PTPRD: variants seen among roughly 807,000 people sequenced by gnomAD.
The protein encoded by PTPRD is protein tyrosine phosphatase receptor type D.
In PTPRD, 34 loss-of-function variants were observed where a neutral mutation model predicts 214.5. The ratio of observed to expected loss-of-function variants is 0.16; its 90% CI spans 0.12 to 0.21. The LOEUF (loss-of-function observed/expected upper bound fraction) is 0.21. Among genes scored for constraint, PTPRD ranks in the 10% least tolerant of loss-of-function variants. The pLI, the probability that PTPRD is intolerant of heterozygous loss-of-function variation, is 1.00. For missense variants in PTPRD, 2,545 were observed against 2,398.7 expected (o/e 1.06, Z -1.27); for synonymous variants, 1,128 against 845.7 (o/e 1.33, Z -5.79).
chr9:9,005,594 A>G (rs552960064), intron 11 of PTPRD, among the ~76,000 whole-genome samples: 40 of 152,060 alleles, frequency 2.6e-4, no homozygotes, highest in Non-Finnish European at 7.4e-5. Context: ...AAGGCATTCT[A>G]TAAAAACCTA....
At chr9:10,085,875 G>A (rs2098329045) in intron 3 of PTPRD, among the ~76,000 whole-genome samples, 1 of 151,880 alleles carries the variant, frequency 6.6e-6, no homozygotes, top group Non-Finnish European at 1.5e-5. Context: ...ATATTTCAGG[G>A]CAGTGTGATG....
chr9:10,129,872 T>C (rs888968997), intron 3 of PTPRD, among the ~76,000 whole-genome samples: 1 of 152,078 alleles, frequency 6.6e-6, no homozygotes, highest in Admixed American at 6.6e-5. Context: ...AGAGAAAACA[T>C]CTAAACAAAA....
chr9:8,627,101 C>G lies in PTPRD; in HGVS notation c.352+6216G>C, dbSNP rs183605538. 2.0e-3 allele frequency among the ~76,000 whole-genome samples: 309 copies of G among 151,912 alleles called. 4 individuals are homozygous for G. Among genetic ancestry groups the G allele is most frequent in the African/African-American group, 7.1e-3 (295 of 41,492 alleles). ...TCATGCCCCAACCCAGCAGTCTCCT[C>G]ACTCTCACAGTGTATCATCCATGTA... On this transcript the variant is annotated intron_variant, in intron 14 of 45. Coordinates refer to ENST00000381196, the MANE Select transcript of PTPRD (RefSeq NM_002839.4).
intron 7 of PTPRD, among the ~76,000 whole-genome samples, chr9:9,623,115 A>G (rs554379554): frequency 6.6e-6 from 1 of 152,326 alleles, no homozygotes; most frequent in South Asian, 2.1e-4. Flanking sequence ...TTACTTGCAT[A>G]TATGTTGCCT....
intron 8 of PTPRD, among the ~76,000 whole-genome samples, chr9:9,466,564 A>G (rs1038358446): frequency 6.6e-6 from 1 of 152,158 alleles, no homozygotes; most frequent in Non-Finnish European, 1.5e-5. Flanking sequence ...CAAAACACAA[A>G]TCTGTGTTTC....
chr9:9,198,573 T>C (rs1350063387), intron 9 of PTPRD, among the ~76,000 whole-genome samples: 2 of 151,724 alleles, frequency 1.3e-5, no homozygotes, highest in Non-Finnish European at 3.0e-5. Flanking sequence ...CCATGAATAT[T>C]TTTTAGTGAC....
Position 8,340,457 on chromosome 9 carries a change from G to A in PTPRD, c.5139C>T (p.Ala1713=). 6.3e-7 allele frequency: 1 copy of A among 1,595,348 alleles called. No homozygotes were observed. Among genetic ancestry groups the A allele is most frequent in the Non-Finnish European group, 8.6e-7 (1 of 1,166,680 alleles). The change falls in exon 42 of 46, where the codon GCC becomes GCT. Residue 1713 remains alanine, a synonymous_variant. Transcript: ENST00000381196. ...SFIDGYRQQK[A]YIATQGPLAE... ...CCAAGGGCCCCTGGGTAGCGATGTA[G>A]GCTTTCTGTTGTCTGAATTACAGAG...
chr9:8,329,374 C>A (rs1406178787), intron 44 of PTPRD, among the ~76,000 whole-genome samples: 1 of 152,102 alleles, frequency 6.6e-6, no homozygotes, highest in Non-Finnish European at 1.5e-5. Context: ...GCTGCCTATT[C>A]CTTCCTCTGG....
At chr9:8,347,363 C>CACAA (rs1469969674) in intron 39 of PTPRD, among the ~76,000 whole-genome samples, 1 of 152,068 alleles carries the variant, frequency 6.6e-6, no homozygotes, top group African/African-American at 2.4e-5. Context: ...CCTACTATTC[C>CACAA]ACAAACATTT....
Position 8,341,908 on chromosome 9 carries a change from T to C in PTPRD, c.4732A>G (p.Thr1578Ala). The C allele has an allele frequency of 6.2e-7, 1 of 1,613,196 alleles. No homozygotes were observed. Among genetic ancestry groups the C allele is most frequent in the Non-Finnish European group, 8.5e-7 (1 of 1,179,590 alleles). The change falls in exon 40 of 46, where the codon ACT becomes GCT. Residue 1578 changes from threonine to alanine, a missense_variant. Physicochemically the swap from Thr to Ala is moderately conservative, Grantham distance 58 (BLOSUM62 0). Coordinates refer to ENST00000381196, the MANE Select transcript of PTPRD (RefSeq NM_002839.4). ...GTTACATGGCCATAAATATCTACAG[T>C]TTTTTCATGCTTTATTCTTTCTAAC... is the stretch of plus-strand genomic sequence containing the variant. ...AMLERIKHEK[T>A]VDIYGHVTLM...
intron 2 of PTPRD, among the ~76,000 whole-genome samples, chr9:10,550,756 G>T (rs2061159576): frequency 6.6e-6 from 1 of 152,204 alleles, no homozygotes; most frequent in Non-Finnish European, 1.5e-5. Context: ...AAGATGCAAA[G>T]AACTATCTAT....
At chr9:9,998,015 C>T (rs1017163882) in intron 4 of PTPRD, among the ~76,000 whole-genome samples, 9 of 151,546 alleles carry the variant, frequency 5.9e-5, no homozygotes, top group African/African-American at 1.2e-4. Flanking sequence ...CTCCTCCAGC[C>T]TCTCAATATT....
intron 5 of PTPRD, among the ~76,000 whole-genome samples, chr9:9,825,980 G>C (rs1050906848): frequency 6.6e-6 from 1 of 151,416 alleles, no homozygotes; most frequent in Non-Finnish European, 1.5e-5. Context: ...CATGAAATTA[G>C]ATTATCTTTC....
chr9:9,955,685 G>A (rs367893252), intron 4 of PTPRD, among the ~76,000 whole-genome samples: 2 of 151,962 alleles, frequency 1.3e-5, no homozygotes, highest in South Asian at 2.1e-4. Context: ...CACCATGCCC[G>A]ACTAATTTTT....
intron 4 of PTPRD, among the ~76,000 whole-genome samples, chr9:9,966,460 C>T (rs7019303): frequency 0.054 from 8,195 of 152,188 alleles, 734 homozygotes; most frequent in African/African-American, 0.19. Context: ...AAAGCTCTTG[C>T]TTCCATTGTA....
In PTPRD at chr9:10,612,797, G is replaced by A. The variant is rs1484279909; in HGVS notation, c.-817C>T. The A allele has an allele frequency of 6.6e-6, 1 of 152,286 alleles. No individual in the cohort carries two copies. Among genetic ancestry groups the A allele is most frequent in the African/African-American group, 2.4e-5 (1 of 41,458 alleles). 9.4% of individuals were successfully genotyped at this position (152,286 alleles called of 1,614,324 possible). On this transcript the variant is annotated 5_prime_UTR_variant, in exon 1 of 46. Coordinates refer to ENST00000381196, the MANE Select transcript of PTPRD (RefSeq NM_002839.4). ...GGACTCGGGCTGGGAGGGGAGCGCAGGGTTGGGGAGGCCGATGAGCGGCTC... is the reference window on the plus strand; with the variant it reads ...GGACTCGGGCTGGGAGGGGAGCGCAAGGTTGGGGAGGCCGATGAGCGGCTC...
intron 30 of PTPRD, among the ~76,000 whole-genome samples, chr9:8,482,991 G>A (rs548351882): frequency 3.0e-4 from 45 of 152,332 alleles, no homozygotes; most frequent in African/African-American, 1.1e-3. Flanking sequence ...ACATCTGTCT[G>A]TTTCTCTGTA....
chr9:10,180,527 G>T (rs2099276041), intron 3 of PTPRD, among the ~76,000 whole-genome samples: 1 of 136,146 alleles, frequency 7.3e-6, no homozygotes, highest in Non-Finnish European at 1.5e-5. Context: ...TAATTTTCCA[G>T]AAATTTTTAA....
chr9:8,492,833 A>C (rs1160914022), intron 27 of PTPRD, 29 bp downstream of exon 27: 2 of 1,540,308 alleles, frequency 1.3e-6, no homozygotes, highest in East Asian at 4.5e-5. Flanking sequence ...ATTACTGTTC[A>C]AGGCACATAC....
Sources: allele counts gnomAD v4.1 joint callset (sites outside exome capture counted in the v4.1 genomes callset), GRCh38; gene constraint gnomAD v4.1.1; transcripts MANE v1.5; gene names NCBI Gene and HGNC (gene_info 2026-07-23, HGNC 2026-07-21).